The following ZNF721 variants were observed in gnomAD, a reference collection of about 807,000 sequenced individuals.
The protein encoded by ZNF721 is zinc finger protein 721.
A neutral mutation model predicts 2.4 loss-of-function variants in ZNF721; 2 were observed. The ratio of observed to expected loss-of-function variants is 0.82; its 90% CI spans 0.34 to 2.58. ZNF721 has a LOEUF of 2.58. Among genes scored for constraint, ZNF721 ranks in the 30% most tolerant of loss-of-function variants. ZNF721 has a pLI of 0.11. For missense variants in ZNF721, 1,187 were observed against 1,085.5 expected (o/e 1.09, Z -1.31); for synonymous variants, 398 against 381.8 (o/e 1.04, Z -0.50).
intron 2 of ZNF721, among the ~76,000 whole-genome samples, chr4:465,823 A>C (rs1269855724): frequency 4.6e-5 from 7 of 151,980 alleles, no homozygotes; most frequent in African/African-American, 1.7e-4. Context: ...TACACACACA[A>C]AAAAGGAAAC....
intron 1 of ZNF721, among the ~76,000 whole-genome samples, chr4:497,112 A>C (rs1716173358): frequency 2.6e-5 from 4 of 151,878 alleles, no homozygotes; most frequent in South Asian, 2.1e-4. Flanking sequence ...CAAAATTCCA[A>C]ATCAATTTTC....
In ZNF721 at chr4:443,810, T is replaced by C. The variant is rs1576951334; in HGVS notation, c.657A>G (p.Lys219=). The C allele has an allele frequency of 1.9e-6, 3 of 1,613,896 alleles. No individual in the cohort carries two copies. Among genetic ancestry groups the C allele is most frequent in the East Asian group, 2.2e-5 (1 of 44,856 alleles). Residue 219 remains lysine (K), a synonymous_variant, in exon 3 of 3, where the codon AAA becomes AAG. Transcript: ENST00000511833. ...TCCCACATTCTTTACATTTGTAGGG[T>C]TTATCTCCAGTATGAATTTTCTTAT... The part of the protein sequence containing the change: ...NEYKKIHTGD[K]PYKCKECGKA...
intron 1 of ZNF721, among the ~76,000 whole-genome samples, chr4:490,462 C>T (rs1283345935): frequency 4.0e-5 from 6 of 149,418 alleles, no homozygotes; most frequent in Non-Finnish European, 8.9e-5. Context: ...GAGTGAGACC[C>T]GTCTCAAAAA....
At chr4:472,478 A>G in intron 2 of ZNF721, 97 bp downstream of exon 2, 1 of 1,365,142 alleles carries the variant, frequency 7.3e-7, no homozygotes, top group Non-Finnish European at 1.0e-6. Context: ...TGTGAGACAC[A>G]CATTTTTATA....
chr4:492,995 A>T lies in ZNF721; in HGVS notation c.-94+6061T>A, dbSNP rs28845902. On this transcript the variant is annotated intron_variant, in intron 1 of 2. Transcript: ENST00000511833. Reference sequence around the variant, plus strand: ...ATTTTTATTGGAAAATACCCAAATAATGAAATATCTATTATTTAATATAGC... The same window carrying T: ...ATTTTTATTGGAAAATACCCAAATATTGAAATATCTATTATTTAATATAGC... Among the ~76,000 whole-genome samples, 962 of 152,096 alleles carry T rather than the reference A, an allele frequency of 6.3e-3. 9 individuals carry two copies. Among genetic ancestry groups the T allele is most frequent in the African/African-American group, 0.022 (915 of 41,540 alleles).
chr4:456,603 A>T (rs1714855129), intron 2 of ZNF721, among the ~76,000 whole-genome samples: 1 of 152,216 alleles, frequency 6.6e-6, no homozygotes, highest in African/African-American at 2.4e-5. Context: ...AAAATAGGCC[A>T]GGCACAGTGG....
In ZNF721 at chr4:442,426, AC is replaced by A. The variant is rs1379419949; in HGVS notation, c.2040del (p.Trp680CysfsTer3). 1.2e-6 allele frequency: 2 copies of A among 1,613,706 alleles called. No homozygotes were observed. Among genetic ancestry groups the A allele is most frequent in the African/African-American group, 2.7e-5 (2 of 74,854 alleles). On this transcript the variant is annotated frameshift_variant, in exon 3 of 3. Transcript: ENST00000511833. LOFTEE classifies it low-confidence loss of function (END_TRUNC). ...KCEECGKAFG[W>X]SIALNQHKKI... ...TTCTTGTGTTGATTCAGGGCTATGGACCATCCAAAGGCTTTGCCACACTCTT... is the reference window on the plus strand; with the variant it reads ...TTCTTGTGTTGATTCAGGGCTATGGACATCCAAAGGCTTTGCCACACTCTT...
At chr4:495,095 G>A (rs989473788) in intron 1 of ZNF721, among the ~76,000 whole-genome samples, 21 of 152,052 alleles carry the variant, frequency 1.4e-4, no homozygotes, top group Admixed American at 1.3e-3. Flanking sequence ...TGTTAGCCAA[G>A]ATGGTCTCGA....
In ZNF721 at chr4:444,247, A is replaced by T; in HGVS notation, c.220T>A (p.Ser74Thr). 1 of 1,613,770 alleles carries T rather than the reference A, an allele frequency of 6.2e-7. No homozygotes were observed. Among genetic ancestry groups the T allele is most frequent in the Non-Finnish European group, 8.5e-7 (1 of 1,179,778 alleles). Residue 74 changes from serine to threonine, a missense_variant, in exon 3 of 3, where the codon TCA becomes ACA. Physicochemically the swap from Ser to Thr is moderately conservative, Grantham distance 58. Coordinates refer to ENST00000511833, the MANE Select transcript of ZNF721 (RefSeq NM_133474.4). Reference sequence around the variant, plus strand: ...TGAAATATTTTGCTCTGAGTATTTGACAAGCATTTATTAATTCCATTATAA... The same window carrying T: ...TGAAATATTTTGCTCTGAGTATTTGTCAAGCATTTATTAATTCCATTATAA... ...GVYNGINKCL[S>T]NTQSKIFQCN...
chr4:483,148 T>A (rs1553869775), intron 1 of ZNF721, among the ~76,000 whole-genome samples: 2 of 152,174 alleles, frequency 1.3e-5, no homozygotes, highest in African/African-American at 4.8e-5. Context: ...GAGACATAAT[T>A]AGCAGATGTT....
chr4:442,619 T>C lies in ZNF721; in HGVS notation c.1848A>G (p.Glu616=). 2.5e-6 allele frequency: 4 copies of C among 1,613,932 alleles called. No individual in the cohort carries two copies. The highest frequency in any genetic ancestry group is 3.4e-6 in the Non-Finnish European group (4 of 1,179,894). Reference sequence around the variant, plus strand: ...ACCATACAAAGTCTTTGCCACACTCTTCACATTTGTAAAGTTTCTCTCCAG... The same window carrying C: ...ACCATACAAAGTCTTTGCCACACTCCTCACATTTGTAAAGTTTCTCTCCAG... The part of the protein sequence containing the change: ...IHTGEKLYKC[E]ECGKDFVWYT... Residue 616 remains glutamate, a synonymous_variant, in exon 3 of 3, where the codon GAA becomes GAG. Transcript: ENST00000511833.
At chr4:457,389 G>A (rs1714879755) in intron 2 of ZNF721, among the ~76,000 whole-genome samples, 1 of 152,198 alleles carries the variant, frequency 6.6e-6, no homozygotes, top group African/African-American at 2.4e-5. Context: ...GTATTGAAAA[G>A]ACATGCCCTT....
chr4:472,930 A>C (rs1357149798), intron 1 of ZNF721, among the ~76,000 whole-genome samples: 1 of 152,012 alleles, frequency 6.6e-6, no homozygotes, highest in African/African-American at 2.4e-5. Context: ...CCCCTACCAA[A>C]ACCAAGCAGA....
chr4:479,488 G>A (rs1203328987), intron 1 of ZNF721, among the ~76,000 whole-genome samples: 2 of 145,246 alleles, frequency 1.4e-5, no homozygotes, highest in African/African-American at 5.7e-5. Flanking sequence ...GGTGAAATAA[G>A]AAGGTGTGGA....
At chr4:470,998 C>CAA (rs782706278) in intron 2 of ZNF721, among the ~76,000 whole-genome samples, 7 of 79,418 alleles carry the variant, frequency 8.8e-5, no homozygotes, top group East Asian at 7.7e-4. Flanking sequence ...GACTCTGTCT[C>CAA]AAAAAAAAAA....
chr4:441,578 G>T lies in ZNF721; in HGVS notation c.*117C>A. ...TTATGAATTATCTTATGATTAGAAA[G>T]GATTGAGGAGCATTTAAAGACCGCG... On this transcript the variant is annotated 3_prime_UTR_variant, in exon 3 of 3. Transcript: ENST00000511833. 1.2e-6 allele frequency: 1 copy of T among 811,886 alleles called. No homozygotes were observed. Among genetic ancestry groups the T allele is most frequent in the East Asian group, 2.7e-5 (1 of 37,364 alleles). 50.3% of individuals were successfully genotyped at this position (811,886 alleles called of 1,614,324 possible).
At position 443,340 on chromosome 4, in the gene ZNF721, A is replaced by G; in HGVS notation, c.1127T>C (p.Leu376Pro). The change falls in exon 3 of 3, where the codon CTG becomes CCG. Residue 376 changes from leucine (L) to proline (P), a missense_variant. Leu to Pro is a moderately conservative substitution (Grantham distance 98). Coordinates refer to ENST00000511833, the MANE Select transcript of ZNF721 (RefSeq NM_133474.4). ...CGKAFGRYTA[L>P]NQHKKIHTGE... ...AGTATGAATTTTCTTGTGTTGATTC[A>G]GGGCTGTGTACCGTCCAAAGGCTTT... is the stretch of plus-strand genomic sequence containing the variant. 6.2e-7 allele frequency: 1 copy of G among 1,614,012 alleles called. No individual in the cohort carries two copies. Among genetic ancestry groups the G allele is most frequent in the Non-Finnish European group, 8.5e-7 (1 of 1,179,946 alleles).
Position 485,124 on chromosome 4 carries a change from C to T in ZNF721, c.-93-12423G>A, listed in dbSNP as rs568284134. Among the ~76,000 whole-genome samples, 7 of 152,176 alleles carry T rather than the reference C, an allele frequency of 4.6e-5. No homozygotes were observed. The South Asian group carries it at 1.5e-3, about 32-fold the overall frequency. Reference sequence around the variant, plus strand: ...AGGATGGTCAGTGATCTGCCTGCCTCGGCCTCCCAAATGGCTGGGATTACA... The same window carrying T: ...AGGATGGTCAGTGATCTGCCTGCCTTGGCCTCCCAAATGGCTGGGATTACA... On this transcript the variant is annotated intron_variant, in intron 1 of 2. Transcript: ENST00000511833.
intron 2 of ZNF721, among the ~76,000 whole-genome samples, chr4:459,090 C>T (rs1245436957): frequency 3.3e-5 from 5 of 152,188 alleles, no homozygotes; most frequent in African/African-American, 1.2e-4. Flanking sequence ...AAATCCTTTA[C>T]AAACAAGCAA....
Sources: gnomAD v4.1 joint callset for allele counts (sites outside exome capture counted in the v4.1 genomes callset) on GRCh38, gnomAD v4.1.1 for gene constraint, MANE v1.5 for transcripts, NCBI Gene and HGNC (gene_info 2026-07-23, HGNC 2026-07-21) for gene names.